FHIT: variants seen among roughly 807,000 people sequenced by gnomAD.
The protein encoded by FHIT is bis(5'-adenosyl)-triphosphatase.
In FHIT, 19 loss-of-function variants were observed where a neutral mutation model predicts 17.9. The observed-to-expected ratio is 1.06, with a 90% CI of 0.74 to 1.56. FHIT has a LOEUF of 1.56. Among genes scored for constraint, FHIT ranks in the 40% most tolerant of loss-of-function variants. FHIT has a pLI of 0.00. For missense variants in FHIT, 248 were observed against 189.2 expected, an observed-to-expected ratio of 1.31 and a Z score of -1.82; for synonymous variants, 81 against 69.7, an observed-to-expected ratio of 1.16 and a Z score of -0.81.
At chr3:60,858,351 T>A (rs888313252) in intron 3 of FHIT, among the ~76,000 whole-genome samples, 2 of 152,230 alleles carry the variant, frequency 1.3e-5, no homozygotes, top group East Asian at 3.9e-4. Flanking sequence ...TCACTGAGAA[T>A]TGTGTGCTAT....
intron 5 of FHIT, among the ~76,000 whole-genome samples, chr3:60,165,757 C>G (rs1424445168): frequency 6.6e-6 from 1 of 151,976 alleles, no homozygotes; most frequent in Non-Finnish European, 1.5e-5. Context: ...TCATATATAC[C>G]AACATAAAAA....
intron 4 of FHIT, among the ~76,000 whole-genome samples, chr3:60,660,493 G>A (rs535883817): frequency 1.3e-5 from 2 of 152,156 alleles, no homozygotes; most frequent in African/African-American, 4.8e-5. Context: ...GAAATTAAAA[G>A]CCTTCAATAG....
At chr3:59,927,970 C>A (rs1442190832) in intron 7 of FHIT, among the ~76,000 whole-genome samples, 1 of 152,156 alleles carries the variant, frequency 6.6e-6, no homozygotes, top group Non-Finnish European at 1.5e-5. Context: ...GTGGTTGTAT[C>A]GATATCCTTT....
chr3:61,049,760 G>C (rs1559941118), intron 2 of FHIT, among the ~76,000 whole-genome samples: 1 of 152,146 alleles, frequency 6.6e-6, no homozygotes, highest in African/African-American at 2.4e-5. Context: ...TAAGAAAACA[G>C]CAGAAGCGGG....
At chr3:61,065,752 CAA>C (rs1185270423) in intron 2 of FHIT, among the ~76,000 whole-genome samples, 1,880 of 134,694 alleles carry the variant, frequency 0.014, 47 homozygotes, top group African/African-American at 0.046. Context: ...CCTCCCACCT[CAA>C]AAAAAAAAAA....
At chr3:59,909,382 TGCAGTG>T (rs1182501596) in intron 8 of FHIT, among the ~76,000 whole-genome samples, 11 of 152,060 alleles carry the variant, frequency 7.2e-5, no homozygotes, top group Admixed American at 6.6e-4. Flanking sequence ...CAGGCTAGAA[TGCAGTG>T]GCATGATCTC....
intron 4 of FHIT, among the ~76,000 whole-genome samples, chr3:60,760,672 A>C (rs1699616499): frequency 6.6e-6 from 1 of 152,200 alleles, no homozygotes; most frequent in South Asian, 2.1e-4. Flanking sequence ...TCTCCTTCCT[A>C]AGCTAGAAAG....
intron 7 of FHIT, among the ~76,000 whole-genome samples, chr3:59,946,180 T>C (rs1172135414): frequency 6.6e-6 from 1 of 152,214 alleles, no homozygotes; most frequent in Non-Finnish European, 1.5e-5. Context: ...TCTCCATTTG[T>C]GTTGTCTCTG....
intron 5 of FHIT, among the ~76,000 whole-genome samples, chr3:60,154,853 C>T (rs1238927547): frequency 6.6e-6 from 1 of 152,100 alleles, no homozygotes; most frequent in Non-Finnish European, 1.5e-5. Flanking sequence ...AAATATCATA[C>T]TAAATTATCT....
intron 4 of FHIT, among the ~76,000 whole-genome samples, chr3:60,666,548 A>G (rs1162465627): frequency 6.6e-6 from 1 of 152,178 alleles, no homozygotes; most frequent in Non-Finnish European, 1.5e-5. Flanking sequence ...ATTAATTATG[A>G]TATATCATAG....
At chr3:60,760,471 T>G (rs1699608718) in intron 4 of FHIT, among the ~76,000 whole-genome samples, 1 of 152,078 alleles carries the variant, frequency 6.6e-6, no homozygotes, top group Non-Finnish European at 1.5e-5. Context: ...GTGGGTGGAG[T>G]AGGGTCCTGC....
chr3:61,075,103 A>G (rs1050619135), intron 2 of FHIT, among the ~76,000 whole-genome samples: 4 of 152,306 alleles, frequency 2.6e-5, no homozygotes, highest in African/African-American at 4.8e-5. Context: ...TCAATGTTCT[A>G]CCAAAAAATG....
chr3:60,521,490 G>A (rs151746), intron 5 of FHIT, among the ~76,000 whole-genome samples: 12,657 of 152,040 alleles, frequency 0.083, 603 homozygotes, highest in African/African-American at 0.13. Flanking sequence ...TTCGTGATCC[G>A]CCCACCTCGG....
At chr3:61,146,006 C>A (rs985166258) in intron 2 of FHIT, among the ~76,000 whole-genome samples, 1 of 152,004 alleles carries the variant, frequency 6.6e-6, no homozygotes, top group Admixed American at 6.6e-5. Flanking sequence ...CCACAATTAT[C>A]CACAATATTG....
intron 4 of FHIT, among the ~76,000 whole-genome samples, chr3:60,786,259 G>A (rs573689390): frequency 1.2e-3 from 188 of 152,142 alleles, no homozygotes; most frequent in African/African-American, 4.4e-3. Context: ...GCATGGAGAG[G>A]CAATGGGCAT....
intron 8 of FHIT, among the ~76,000 whole-genome samples, chr3:59,918,652 G>A (rs1323555974): frequency 1.3e-5 from 2 of 152,192 alleles, no homozygotes; most frequent in East Asian, 1.9e-4. Context: ...AGAGAGAAGA[G>A]GAGCAGCCCA....
intron 5 of FHIT, among the ~76,000 whole-genome samples, chr3:60,218,326 T>C (rs1703794520): frequency 6.6e-6 from 1 of 152,178 alleles, no homozygotes; most frequent in African/African-American, 2.4e-5. Flanking sequence ...TTTCAAGTAA[T>C]GTTGCTACCT....
intron 5 of FHIT, among the ~76,000 whole-genome samples, chr3:60,431,380 A>T (rs1241325068): frequency 6.6e-6 from 1 of 151,940 alleles, no homozygotes; most frequent in Non-Finnish European, 1.5e-5. Flanking sequence ...GGGCTCTCCC[A>T]ACTCAGAACC....
At chr3:60,962,123 TCTC>T (rs1553781189) in intron 3 of FHIT, among the ~76,000 whole-genome samples, 1 of 152,220 alleles carries the variant, frequency 6.6e-6, no homozygotes. Context: ...GGTTTGTAGT[TCTC>T]CTTGAAGAGG....
Sources: gnomAD v4.1 joint callset for allele counts (sites outside exome capture counted in the v4.1 genomes callset) on GRCh38, gnomAD v4.1.1 for gene constraint, MANE v1.5 for transcripts, NCBI Gene and HGNC (gene_info 2026-07-23, HGNC 2026-07-21) for gene names.